PARD3: variants seen among roughly 807,000 people sequenced by gnomAD.
PARD3 encodes par-3 family cell polarity regulator.
Under a neutral mutation model 155.4 loss-of-function variants are expected in PARD3, and 75 were observed. The ratio of observed to expected loss-of-function variants is 0.48; its 90% CI spans 0.40 to 0.58. The LOEUF is 0.58. PARD3 is among the 20% of genes least tolerant of loss of function. PARD3 has a pLI of 0.00. For synonymous variants in PARD3, 576 were observed against 610.5 expected (o/e 0.94, Z 0.83); for missense variants, 1,642 against 1,721.7 (o/e 0.95, Z 0.82).
At chr10:34,329,776 C>T (rs559672080) in intron 19 of PARD3, among the ~76,000 whole-genome samples, 64 of 152,240 alleles carry the variant, frequency 4.2e-4, no homozygotes, top group Non-Finnish European at 7.6e-4. Context: ...GATGGAGAAT[C>T]AGGTGGAGGT....
intron 1 of PARD3, among the ~76,000 whole-genome samples, chr10:34,698,995 A>G (rs1202581821): frequency 1.3e-5 from 2 of 152,180 alleles, no homozygotes; most frequent in Non-Finnish European, 2.9e-5. Flanking sequence ...GCTTAACACA[A>G]AAGTCTGTTG....
chr10:34,301,814 CTTTCTTTT>C (rs1373108690), intron 20 of PARD3, among the ~76,000 whole-genome samples: 41 of 83,162 alleles, frequency 4.9e-4, no homozygotes, highest in Admixed American at 3.0e-3. Context: ...GTTCTTTCTC[CTTTCTTTT>C]TTTTTTTTTT....
At chr10:34,703,668 A>C (rs1333268173) in intron 1 of PARD3, among the ~76,000 whole-genome samples, 1 of 152,178 alleles carries the variant, frequency 6.6e-6, no homozygotes, top group Non-Finnish European at 1.5e-5. Context: ...AATGTATAAA[A>C]GCAGACATAC....
chr10:34,417,385 A>G (rs185705463), intron 5 of PARD3, among the ~76,000 whole-genome samples: 1 of 152,278 alleles, frequency 6.6e-6, no homozygotes, highest in Non-Finnish European at 1.5e-5. Flanking sequence ...CTATGATCAA[A>G]ATTTTTATTT....
At chr10:34,189,143 G>A (rs1042612196) in intron 22 of PARD3, among the ~76,000 whole-genome samples, 1 of 151,982 alleles carries the variant, frequency 6.6e-6, no homozygotes, top group Non-Finnish European at 1.5e-5. Flanking sequence ...ACAAGCCTGG[G>A]CAACATAGAA....
intron 18 of PARD3, among the ~76,000 whole-genome samples, chr10:34,331,547 TTC>T (rs1835616708): frequency 6.6e-6 from 1 of 152,196 alleles, no homozygotes; most frequent in Non-Finnish European, 1.5e-5. Context: ...TTGGTCTATT[TTC>T]TCTCTTTGCA....
At chr10:34,402,561 G>C (rs1258256790) in intron 5 of PARD3, among the ~76,000 whole-genome samples, 1 of 152,120 alleles carries the variant, frequency 6.6e-6, no homozygotes, top group Non-Finnish European at 1.5e-5. Flanking sequence ...AGCCATAATG[G>C]ACCACTTTTG....
At chr10:34,793,737 G>C (rs368692003) in intron 1 of PARD3, among the ~76,000 whole-genome samples, 2 of 150,018 alleles carry the variant, frequency 1.3e-5, no homozygotes, top group African/African-American at 4.9e-5. Flanking sequence ...AGTGAGCCAA[G>C]ACTGCGCCAT....
At chr10:34,773,681 T>C (rs1460311212) in intron 1 of PARD3, among the ~76,000 whole-genome samples, 1 of 152,210 alleles carries the variant, frequency 6.6e-6, no homozygotes, top group African/African-American at 2.4e-5. Flanking sequence ...TATTTTAACT[T>C]TTGAGTCTCT....
intron 2 of PARD3, among the ~76,000 whole-genome samples, chr10:34,672,441 GATCATGTA>G (rs1429785916): frequency 1.3e-5 from 2 of 152,172 alleles, no homozygotes; most frequent in African/African-American, 4.8e-5. Context: ...TCCTCGCTGT[GATCATGTA>G]ATCATGTAAC....
At position 34,306,892 on chromosome 10, in the gene PARD3, A is replaced by AT. The variant is rs1036133175; in HGVS notation, c.3065+10214dup. Among the ~76,000 whole-genome samples, 290 of 146,648 alleles carry AT rather than the reference A, an allele frequency of 2.0e-3. 1 individual carries two copies. The highest frequency in any genetic ancestry group is 4.8e-3 in the South Asian group (22 of 4,608). On this transcript the variant is annotated intron_variant, in intron 20 of 24. Transcript: ENST00000374788. ...ACTATTCACCGCTGATTCCAAAAGT[A>AT]TTTTTTTTTTTTGAGACGGAGTCTC...
In PARD3 at chr10:34,346,799, C is replaced by G. The variant is rs542617022; in HGVS notation, c.2218+1166G>C. 1.6e-3 allele frequency among the ~76,000 whole-genome samples: 240 copies of G among 152,276 alleles called. 1 individual carries two copies. Among genetic ancestry groups the G allele is most frequent in the Non-Finnish European group, 9.0e-4 (61 of 68,014 alleles). On this transcript the variant is annotated intron_variant, in intron 15 of 24. Coordinates refer to ENST00000374788, the MANE Select transcript of PARD3 (RefSeq NM_001184785.2). ...CCAGAAAGCTGGCTTGTCTAAGTTC[C>G]ACATGTAACAAGATAAGAAATTACA...
chr10:34,415,417 T>A (rs761585623), intron 5 of PARD3, among the ~76,000 whole-genome samples: 6 of 152,146 alleles, frequency 3.9e-5, no homozygotes, highest in Non-Finnish European at 8.8e-5. Context: ...ATCAATAATA[T>A]AAAGTATCAA....
chr10:34,120,671 G>A (rs1209865846), intron 23 of PARD3, among the ~76,000 whole-genome samples: 1 of 152,110 alleles, frequency 6.6e-6, no homozygotes, highest in African/African-American at 2.4e-5. Flanking sequence ...GCCAAACAGG[G>A]AACAGAAATG....
chr10:34,351,550 T>C (rs1228063345), intron 14 of PARD3, among the ~76,000 whole-genome samples: 1 of 152,340 alleles, frequency 6.6e-6, no homozygotes, highest in Non-Finnish European at 1.5e-5. Flanking sequence ...TGAAGGAAGA[T>C]TTAGAGCACA....
At chr10:34,467,964 G>A (rs577774178) in intron 4 of PARD3, among the ~76,000 whole-genome samples, 2 of 152,248 alleles carry the variant, frequency 1.3e-5, no homozygotes, top group East Asian at 3.9e-4. Flanking sequence ...GATTTTAATA[G>A]TGGTTTGAAA....
At chr10:34,282,715 T>G (rs1956215589) in intron 21 of PARD3, among the ~76,000 whole-genome samples, 1 of 152,164 alleles carries the variant, frequency 6.6e-6, no homozygotes, top group South Asian at 2.1e-4. Context: ...TGGATGAATC[T>G]GAGTTCACAC....
intron 2 of PARD3, among the ~76,000 whole-genome samples, chr10:34,567,908 G>C (rs1292438230): frequency 6.6e-6 from 1 of 152,196 alleles, no homozygotes; most frequent in Non-Finnish European, 1.5e-5. Context: ...TAGCAAGCAT[G>C]ATTAGTTCAC....
intron 24 of PARD3, among the ~76,000 whole-genome samples, chr10:34,117,229 T>C (rs1226565276): frequency 6.6e-6 from 1 of 152,128 alleles, no homozygotes; most frequent in Non-Finnish European, 1.5e-5. Flanking sequence ...TTAGAGACAC[T>C]CTCAGGCACG....
Sources: gnomAD v4.1 joint callset for allele counts (sites outside exome capture counted in the v4.1 genomes callset) on GRCh38, gnomAD v4.1.1 for gene constraint, MANE v1.5 for transcripts, NCBI Gene and HGNC (gene_info 2026-07-23, HGNC 2026-07-21) for gene names.